The following VIRMA variants were observed in gnomAD, a reference collection of about 807,000 sequenced individuals.
VIRMA encodes the protein vir like m6A methyltransferase associated, also known as protein virilizer homolog.
VIRMA carries 65 observed loss-of-function variants against 182.4 expected under a neutral mutation model. The observed-to-expected ratio is 0.36, with a 90% CI of 0.29 to 0.44. The LOEUF (loss-of-function observed/expected upper bound fraction) is 0.44. VIRMA is among the 20% of genes least tolerant of loss of function. The probability of loss-of-function intolerance (pLI) is 1.00; values close to 1 mark genes in which losing one functional copy is unlikely to be tolerated. For synonymous variants in VIRMA, 709 were observed against 743.1 expected (o/e 0.95, Z 0.75); for missense variants, 1,752 against 2,158.1 (o/e 0.81, Z 3.73).
Position 94,519,113 on chromosome 8 carries a change from G to A in VIRMA, c.2385C>T (p.Thr795=). The change falls in exon 9 of 24, where the codon ACC becomes ACT. Residue 795 remains threonine (T), a synonymous_variant. Coordinates refer to ENST00000297591, the MANE Select transcript of VIRMA (RefSeq NM_015496.5). The stretch of plus-strand genomic sequence containing the variant: ...AAGTAATCAAATAAAGATTGTGCAG[G>A]GTTCCCAAGAGATCTGAATGGTCTG... ...EETDHSDLLG[T]LHNLYLITFN... 1.2e-6 allele frequency: 2 copies of A among 1,613,946 alleles called. No individual in the cohort carries two copies. The highest frequency in any genetic ancestry group is 2.2e-5 in the South Asian group (2 of 91,020).
At chr8:94,509,528 A>G (rs1406661333) in intron 15 of VIRMA, among the ~76,000 whole-genome samples, 160 bp downstream of exon 15, 1 of 152,188 alleles carries the variant, frequency 6.6e-6, no homozygotes, top group Admixed American at 6.6e-5. Context: ...AAGGAAAGAA[A>G]AAAGCTCTTC....
intron 1 of VIRMA, chr8:94,546,777 G>C: frequency 2.7e-6 from 1 of 369,642 alleles, no homozygotes. Flanking sequence ...TGCATCCTGT[G>C]CTTCTTTCTT....
intron 5 of VIRMA, among the ~76,000 whole-genome samples, chr8:94,532,293 C>T (rs28848914): frequency 6.6e-6 from 1 of 152,016 alleles, no homozygotes; most frequent in African/African-American, 2.4e-5. Flanking sequence ...TTTTAGTAGA[C>T]ATGAGGTTTC....
At chr8:94,525,382 G>C (rs1334057289) in intron 8 of VIRMA, among the ~76,000 whole-genome samples, 1 of 152,030 alleles carries the variant, frequency 6.6e-6, no homozygotes, top group Non-Finnish European at 1.5e-5. Flanking sequence ...CTCTCTTCAG[G>C]CATTTCTGCT....
intron 19 of VIRMA, 123 bp downstream of exon 19, chr8:94,495,608 C>G (rs959246119): frequency 6.6e-6 from 4 of 603,994 alleles, no homozygotes; most frequent in Non-Finnish European, 1.1e-5. Flanking sequence ...GGCTGTATGG[C>G]CTGCAAAGCC....
At chr8:94,498,597 C>T (rs1337236556) in intron 17 of VIRMA, 2 of 152,352 alleles carry the variant, frequency 1.3e-5, no homozygotes, top group East Asian at 1.9e-4. Context: ...ATCTTAGCCT[C>T]TCAAATAGAT....
At chr8:94,514,289 C>G (rs1192417938) in intron 11 of VIRMA, among the ~76,000 whole-genome samples, 1 of 152,184 alleles carries the variant, frequency 6.6e-6, no homozygotes, top group African/African-American at 2.4e-5. Context: ...GAAAAAACTT[C>G]CAAGACTAAT....
intron 8 of VIRMA, among the ~76,000 whole-genome samples, chr8:94,522,732 G>C (rs1814816990): frequency 6.6e-6 from 1 of 152,066 alleles, no homozygotes; most frequent in Non-Finnish European, 1.5e-5. Flanking sequence ...TCCATTACCT[G>C]TTAAGGGCAA....
At chr8:94,510,006 TTATTTCTCAATAC>T in intron 14 of VIRMA, 66 bp from the exon 15 acceptor site, 5 of 1,405,404 alleles carry the variant, frequency 3.6e-6, no homozygotes, top group Non-Finnish European at 4.8e-6. Context: ...TAACTAGTAT[TTATTTCTCAATAC>T]ACATCAACTT....
chr8:94,503,620 A>G (rs1392541699), intron 16 of VIRMA, among the ~76,000 whole-genome samples: 1 of 152,188 alleles, frequency 6.6e-6, no homozygotes, highest in Non-Finnish European at 1.5e-5. Context: ...GAAAATTCAA[A>G]TAAAATCTGT....
At chr8:94,490,235 A>G in intron 22 of VIRMA, 153 bp from the exon 23 acceptor site, 1 of 780,492 alleles carries the variant, frequency 1.3e-6, no homozygotes, top group East Asian at 2.8e-5. Context: ...CACAGTGGTT[A>G]AGAGCAGAGG....
At chr8:94,529,047 A>C in intron 7 of VIRMA, 23 bp downstream of exon 7, 2 of 1,608,590 alleles carry the variant, frequency 1.2e-6, no homozygotes, top group Middle Eastern at 1.7e-4. Flanking sequence ...TTAAACCCCA[A>C]AGTCCTAGCT....
chr8:94,533,299 A>T (rs1349766350), intron 5 of VIRMA, among the ~76,000 whole-genome samples: 1 of 152,196 alleles, frequency 6.6e-6, no homozygotes, highest in African/African-American at 2.4e-5. Context: ...AGCTCACACC[A>T]CATTACTATA....
intron 15 of VIRMA, among the ~76,000 whole-genome samples, chr8:94,507,707 C>T (rs1433288254): frequency 6.6e-6 from 1 of 151,734 alleles, no homozygotes; most frequent in African/African-American, 2.4e-5. Flanking sequence ...TGAGCCAAGA[C>T]TGTGCCACTG....
At chr8:94,550,872 C>T (rs944093723) in intron 1 of VIRMA, among the ~76,000 whole-genome samples, 1 of 152,098 alleles carries the variant, frequency 6.6e-6, no homozygotes, top group African/African-American at 2.4e-5. Context: ...ACGCACACCG[C>T]CACGCCCAGC....
At chr8:94,494,569 G>T (rs1220303768) in intron 20 of VIRMA, among the ~76,000 whole-genome samples, 3 of 131,740 alleles carry the variant, frequency 2.3e-5, no homozygotes, top group Non-Finnish European at 4.6e-5. Context: ...TCCAGCCTGG[G>T]TGACAGAGTG....
intron 16 of VIRMA, among the ~76,000 whole-genome samples, chr8:94,503,870 C>G (rs1233154215): frequency 1.3e-5 from 2 of 149,396 alleles, no homozygotes; most frequent in African/African-American, 4.9e-5. Context: ...TTAAAAAAAC[C>G]AAAAAAACAA....
intron 8 of VIRMA, among the ~76,000 whole-genome samples, chr8:94,522,622 T>C (rs1814812312): frequency 6.6e-6 from 1 of 152,194 alleles, no homozygotes; most frequent in Non-Finnish European, 1.5e-5. Flanking sequence ...TTCTTCTCAC[T>C]TCCCTTCGCC....
chr8:94,490,558 T>G lies in VIRMA; in HGVS notation c.5141-476A>C, dbSNP rs144293340. ...GTAAGTATCCCTAGTTTCTAAAATCTTGTAAGGCCAGGTGCAGTGGCTCAC... is the reference window on the plus strand; with the variant it reads ...GTAAGTATCCCTAGTTTCTAAAATCGTGTAAGGCCAGGTGCAGTGGCTCAC... On this transcript the variant is annotated intron_variant, in intron 22 of 23. Transcript: ENST00000297591. Among the ~76,000 whole-genome samples the G allele has an allele frequency of 3.1e-3, 469 of 152,214 alleles. 4 individuals carry two copies. The highest frequency in any genetic ancestry group is 0.011 in the African/African-American group (447 of 41,552).
Sources: allele counts gnomAD v4.1 joint callset (sites outside exome capture counted in the v4.1 genomes callset), GRCh38; gene constraint gnomAD v4.1.1; transcripts MANE v1.5; gene names NCBI Gene and HGNC (gene_info 2026-07-23, HGNC 2026-07-21).